Variants in SLC16A7 observed in about 807,000 individuals in gnomAD.
SLC16A7 encodes the protein solute carrier family 16 member 7.
Under a neutral mutation model 34.9 loss-of-function variants are expected in SLC16A7, and 33 were observed. The ratio of observed to expected loss-of-function variants is 0.94; its 90% CI spans 0.72 to 1.26. The LOEUF is 1.26. Ranked by LOEUF, SLC16A7 falls within the 50% of genes most tolerant of loss-of-function variation. The pLI is 0.00. For synonymous variants in SLC16A7, 201 were observed against 206.6 expected (o/e 0.97, Z 0.23); for missense variants, 573 against 578.1 (o/e 0.99, Z 0.09).
At chr12:59,777,636 ATTTC>A (rs902330694) in intron 5 of SLC16A7, among the ~76,000 whole-genome samples, 3 of 150,706 alleles carry the variant, frequency 2.0e-5, no homozygotes, top group African/African-American at 7.3e-5. Flanking sequence ...TCCTTAAAAT[ATTTC>A]TTTTATTATT....
chr12:59,680,671 C>G (rs961331870), intron 2 of SLC16A7, among the ~76,000 whole-genome samples: 3 of 151,910 alleles, frequency 2.0e-5, no homozygotes, highest in African/African-American at 7.3e-5. Context: ...TTCTCATTGC[C>G]TCTCTCCTCT....
chr12:59,603,427 T>G (rs1474208216), intron 1 of SLC16A7, among the ~76,000 whole-genome samples: 2 of 152,198 alleles, frequency 1.3e-5, no homozygotes, highest in Admixed American at 1.3e-4. Flanking sequence ...TCATTCTCAT[T>G]CTACTTCCTA....
At chr12:59,611,930 T>G (rs967368975) in intron 1 of SLC16A7, among the ~76,000 whole-genome samples, 5 of 152,242 alleles carry the variant, frequency 3.3e-5, no homozygotes, top group Non-Finnish European at 5.9e-5. Flanking sequence ...CTTTGCAGGA[T>G]ACAGCTCCTG....
chr12:59,776,754 T>C (rs1432104521), intron 5 of SLC16A7, among the ~76,000 whole-genome samples: 1 of 152,148 alleles, frequency 6.6e-6, no homozygotes, highest in Non-Finnish European at 1.5e-5. Context: ...TTGTTGTCTT[T>C]CTCTGTCCAC....
At chr12:59,711,092 G>GTATAGGACT (rs1280721639) in intron 3 of SLC16A7, among the ~76,000 whole-genome samples, 2 of 152,148 alleles carry the variant, frequency 1.3e-5, no homozygotes, top group Non-Finnish European at 2.9e-5. Context: ...CAAATTCTAA[G>GTATAGGACT]GAAGATTGCT....
At chr12:59,694,926 TG>T (rs1445731048) in intron 2 of SLC16A7, among the ~76,000 whole-genome samples, 1 of 151,994 alleles carries the variant, frequency 6.6e-6, no homozygotes, top group Non-Finnish European at 1.5e-5. Context: ...TTTACCCATT[TG>T]TTGAAAGGAA....
intron 1 of SLC16A7, among the ~76,000 whole-genome samples, chr12:59,630,225 G>T (rs1002478690): frequency 2.0e-5 from 3 of 151,784 alleles, no homozygotes; most frequent in African/African-American, 7.3e-5. Context: ...GTCTCATCTT[G>T]AGCATTATTA....
chr12:59,688,000 G>A (rs1003173403), intron 2 of SLC16A7, among the ~76,000 whole-genome samples: 6 of 152,086 alleles, frequency 3.9e-5, no homozygotes, highest in Non-Finnish European at 8.8e-5. Flanking sequence ...TCACTCGTAA[G>A]TGTATGGTAG....
intron 1 of SLC16A7, among the ~76,000 whole-genome samples, chr12:59,624,540 T>A (rs577660783): frequency 7.0e-4 from 107 of 151,918 alleles, no homozygotes; most frequent in Non-Finnish European, 1.2e-3. Flanking sequence ...AGTTTGCTTT[T>A]CTCTTTGCTG....
At chr12:59,733,392 G>T (rs2711673) in intron 3 of SLC16A7, among the ~76,000 whole-genome samples, 18,636 of 152,076 alleles carry the variant, frequency 0.12, 1,487 homozygotes, top group African/African-American at 0.22. Flanking sequence ...AGCTCCAGGC[G>T]CTGGCAAAGG....
chr12:59,720,239 A>C (rs570810363), intron 3 of SLC16A7: 29 of 515,030 alleles, frequency 5.6e-5, no homozygotes, highest in African/African-American at 5.6e-4. Flanking sequence ...TAGTTGACTA[A>C]AATTTATTAG....
Position 59,704,973 on chromosome 12 carries a change from A to C in SLC16A7, c.172A>C (p.Ile58Leu). Reference protein sequence around the residue: ...QQIFHTTYSEIAWISSIMLAV... With the variant: ...QQIFHTTYSELAWISSIMLAV... ...AATATTCCACACTACCTACAGTGAA[A>C]TAGCATGGATTTCATCCATTATGCT... Residue 58 changes from isoleucine to leucine, a missense_variant, in exon 3 of 6, where the codon ATA (isoleucine) becomes CTA (leucine). Coordinates refer to ENST00000547379, the MANE Select transcript of SLC16A7 (RefSeq NM_001270623.2). The C allele has an allele frequency of 6.2e-7, 1 of 1,613,806 alleles. No homozygotes were observed. The highest frequency in any genetic ancestry group is 8.5e-7 in the Non-Finnish European group (1 of 1,179,732).
intron 1 of SLC16A7, among the ~76,000 whole-genome samples, chr12:59,644,435 C>T (rs528877879): frequency 3.9e-5 from 6 of 152,100 alleles, no homozygotes; most frequent in East Asian, 1.9e-4. Flanking sequence ...AACATGTTGG[C>T]GCATGCCTGT....
At chr12:59,723,523 A>G (rs185042438) in intron 3 of SLC16A7, among the ~76,000 whole-genome samples, 215 of 152,144 alleles carry the variant, frequency 1.4e-3, no homozygotes, top group African/African-American at 5.0e-3. Context: ...AATAAAAGAC[A>G]GCCTTAATGG....
At position 59,755,727 on chromosome 12, in the gene SLC16A7, T is replaced by G. The variant is rs566905066; in HGVS notation, c.218-15492T>G. On this transcript the variant is annotated intron_variant, in intron 3 of 5. Transcript: ENST00000547379. Reference sequence around the variant, plus strand: ...ATGCCATCCCCATCAAGCTACCAATTACTTTCTTCACAGAATTGGAAAAAG... The same window carrying G: ...ATGCCATCCCCATCAAGCTACCAATGACTTTCTTCACAGAATTGGAAAAAG... Among the ~76,000 whole-genome samples the G allele has an allele frequency of 5.3e-5, 8 of 152,248 alleles. No homozygotes were observed. In the South Asian group the frequency reaches 6.2e-4, roughly 12 times the overall value.
intron 2 of SLC16A7, among the ~76,000 whole-genome samples, chr12:59,666,012 T>C (rs1294910032): frequency 1.3e-5 from 2 of 152,134 alleles, no homozygotes; most frequent in Non-Finnish European, 2.9e-5. Context: ...TGTATTCTTT[T>C]CAAACTGAAA....
intron 3 of SLC16A7, chr12:59,764,163 C>T (rs1881300742): frequency 6.6e-6 from 1 of 152,094 alleles, no homozygotes; most frequent in Non-Finnish European, 1.5e-5. Context: ...GTTGTGAATG[C>T]AAAGGAAAAG....
At chr12:59,639,420 G>A (rs767303353) in intron 1 of SLC16A7, among the ~76,000 whole-genome samples, 7 of 152,060 alleles carry the variant, frequency 4.6e-5, no homozygotes, top group African/African-American at 1.2e-4. Flanking sequence ...GATCTCACTC[G>A]GTTGCCCAGG....
intron 3 of SLC16A7, among the ~76,000 whole-genome samples, chr12:59,754,194 G>T (rs866747948): frequency 4.6e-5 from 7 of 152,100 alleles, no homozygotes; most frequent in African/African-American, 1.4e-4. Flanking sequence ...TCAATTAAAA[G>T]AACTAGAAAA....
Sources: allele counts gnomAD v4.1 joint callset (sites outside exome capture counted in the v4.1 genomes callset), GRCh38; gene constraint gnomAD v4.1.1; transcripts MANE v1.5; gene names NCBI Gene and HGNC (gene_info 2026-07-23, HGNC 2026-07-21).